The following DNAAF3 variants were observed in gnomAD, a reference collection of about 807,000 sequenced individuals.
DNAAF3 encodes dynein axonemal assembly factor 3.
Under a neutral mutation model 50.9 loss-of-function variants are expected in DNAAF3, and 40 were observed. The ratio of observed to expected loss-of-function variants is 0.79; its 90% CI spans 0.61 to 1.02. The LOEUF (loss-of-function observed/expected upper bound fraction) is 1.02. Among genes scored for constraint, DNAAF3 ranks in the 50% least tolerant of loss-of-function variants. The probability of loss-of-function intolerance (pLI) is 0.00; values close to 1 mark genes in which losing one functional copy is unlikely to be tolerated. For synonymous variants in DNAAF3, 327 were observed against 322.8 expected (o/e 1.01, Z -0.14); for missense variants, 763 against 744.7 (o/e 1.02, Z -0.29).
At position 55,161,000 on chromosome 19, in the gene DNAAF3, G is replaced by A; in HGVS notation, c.912+65C>T. 2.7e-6 allele frequency: 4 copies of A among 1,486,086 alleles called. No individual in the cohort carries two copies. Among genetic ancestry groups the A allele is most frequent in the Non-Finnish European group, 3.6e-6 (4 of 1,119,886 alleles). 92.1% of individuals were successfully genotyped at this position (1,486,086 alleles called of 1,614,324 possible). A position where few individuals can be genotyped will look rare whatever the true frequency, so the allele number is the denominator to read the frequency against. The stretch of plus-strand genomic sequence containing the variant: ...TGGGGGCGGGGCCTGCTGTGGGGGC[G>A]GGGCCTTGCGCACCCACCGACCCCC... On this transcript the variant is annotated intron_variant, in intron 8 of 11. Transcript: ENST00000524407. The surrounding 1 kb of genome is among the most constrained non-coding windows in gnomAD (Gnocchi z 4.7).
At chr19:55,163,288 G>A (rs546066572) in intron 4 of DNAAF3, among the ~76,000 whole-genome samples, 1 of 147,200 alleles carries the variant, frequency 6.8e-6, no homozygotes, top group South Asian at 2.1e-4. Flanking sequence ...GATTACAGGC[G>A]TGAGCCATCG....
intron 3 of DNAAF3, 97 bp from the exon 4 acceptor site, chr19:55,165,560 C>G: frequency 8.1e-7 from 1 of 1,229,236 alleles, no homozygotes; most frequent in African/African-American, 1.5e-5. Flanking sequence ...CTTCCACACA[C>G]CCGAGTTCTG....
Position 55,165,953 on chromosome 19 carries a change from G to T in DNAAF3, c.133C>A (p.Pro45Thr), listed in dbSNP as rs754821642. The stretch of plus-strand genomic sequence containing the variant: ...CCCAGAAGCAGCACATCTAGCTCGG[G>T]GTTGCTGTGCACTGTATCGGCCTGG... ...DSQADTVHSNPELDVLLLGSV... is the reference protein window; with the variant it reads ...DSQADTVHSNTELDVLLLGSV... The change falls in exon 3 of 12, where the codon CCC (proline) becomes ACC (threonine). Residue 45 changes from proline (P) to threonine (T), a missense_variant. Pro to Thr is a conservative substitution (Grantham distance 38). Coordinates refer to ENST00000524407, the MANE Select transcript of DNAAF3 (RefSeq NM_001256715.2). The T allele has an allele frequency of 1.9e-6, 3 of 1,614,116 alleles. No homozygotes were observed. The highest frequency in any genetic ancestry group is 2.5e-6 in the Non-Finnish European group (3 of 1,180,050).
rs1254068815 is a variant in DNAAF3 at position 55,161,680 on chromosome 19, C to T, written c.626G>A (p.Ser209Asn). ...CAGCTTCATGCGCAGGTCCCAGTCG[C>T]TGACACCGCGCCGGGCGTCGTAGCG... The part of the protein sequence containing the change: ...GSRYDARRGV[S>N]DWDLRMKLHD... The change falls in exon 6 of 12, where the codon AGC becomes AAC. Residue 209 changes from serine (S) to asparagine (N), a missense_variant. Physicochemically the swap from Ser to Asn is conservative, Grantham distance 46. Transcript: ENST00000524407. The surrounding 1 kb of genome is among the most constrained non-coding windows in gnomAD (Gnocchi z 6.4). The T allele has an allele frequency of 3.9e-6, 6 of 1,539,998 alleles. No individual in the cohort carries two copies. In the African/African-American group the frequency reaches 8.2e-5, roughly 21 times the overall value.
intron 3 of DNAAF3, 195 bp downstream of exon 3, chr19:55,165,663 C>G (rs1433532878): frequency 5.8e-6 from 6 of 1,038,518 alleles, no homozygotes; most frequent in African/African-American, 1.6e-5. Context: ...GAGCTCTTCC[C>G]CACTATAGAA....
In DNAAF3 at chr19:55,159,118, G is replaced by A. The variant is rs773825790; in HGVS notation, c.1570C>T (p.Pro524Ser). 6.2e-7 allele frequency: 1 copy of A among 1,612,962 alleles called. No homozygotes were observed. The highest frequency in any genetic ancestry group is 1.3e-5 in the African/African-American group (1 of 75,050). Reference protein sequence around the residue: ...PGSLSEVLAQPQGALAPPNCE... With the variant: ...PGSLSEVLAQSQGALAPPNCE... ...TTGGGCGGAGCCAAGGCCCCCTGAG[G>A]CTGAGCCAGAACCTCTGAGAGTGAA... The change falls in exon 12 of 12, where the codon CCT becomes TCT. Residue 524 changes from proline (P) to serine (S), a missense_variant. Transcript: ENST00000524407.
intron 3 of DNAAF3, 142 bp from the exon 4 acceptor site, chr19:55,165,605 T>C (rs2085924812): frequency 2.1e-6 from 2 of 968,596 alleles, no homozygotes; most frequent in Non-Finnish European, 3.1e-6. Flanking sequence ...CAGAAGTCTG[T>C]GTCCCCAGAG....
At chr19:55,165,278 C>A (rs1321793461) in intron 4 of DNAAF3, 92 bp downstream of exon 4, 16 of 1,302,962 alleles carry the variant, frequency 1.2e-5, no homozygotes, top group African/African-American at 2.9e-5. Flanking sequence ...GGAAAATAAC[C>A]AAACTTTTTA....
chr19:55,165,813 C>T (rs1428156737), intron 3 of DNAAF3, 45 bp downstream of exon 3: 3 of 1,598,856 alleles, frequency 1.9e-6, no homozygotes, highest in African/African-American at 1.3e-5. Context: ...CCCTTCCTCC[C>T]TCAAGGACTC....
chr19:55,162,424 A>G (rs1333693152), intron 4 of DNAAF3, 134 bp from the exon 5 acceptor site: 2 of 1,057,950 alleles, frequency 1.9e-6, no homozygotes, highest in Admixed American at 4.3e-5. Context: ...CATCCCAAAA[A>G]CTACATGAAG....
rs1450787771 is a variant in DNAAF3 at position 55,162,116 on chromosome 19, A to G, written c.480+17T>C. On this transcript the variant is annotated intron_variant, in intron 5 of 11. Transcript: ENST00000524407. ...CCCGCGGCCACCCGATCCCAGATGG[A>G]GGCCGGGCGGCGGCACCTTGAGGGC... 1.3e-5 allele frequency: 16 copies of G among 1,244,238 alleles called. No individual in the cohort carries two copies. Among genetic ancestry groups the G allele is most frequent in the Non-Finnish European group, 1.4e-5 (14 of 990,192 alleles). 77.1% of individuals were successfully genotyped at this position (1,244,238 alleles called of 1,614,324 possible).
In DNAAF3 at chr19:55,166,088, C is replaced by T; in HGVS notation, c.86-88G>A. 2 of 1,605,790 alleles carry T rather than the reference C, an allele frequency of 1.2e-6. No individual in the cohort carries two copies. Among genetic ancestry groups the T allele is most frequent in the Non-Finnish European group, 1.7e-6 (2 of 1,176,184 alleles). On this transcript the variant is annotated intron_variant, in intron 2 of 11. Transcript: ENST00000524407. The surrounding 1 kb of genome is among the most constrained non-coding windows in gnomAD (Gnocchi z 4.0). ...CCTATAAAAAATGGACTACAAATCC[C>T]AGTAGGCGTTCCGCCCGTGGCCTAG...
chr19:55,164,481 C>CAAAT (rs748316306), intron 4 of DNAAF3, among the ~76,000 whole-genome samples: 58 of 152,148 alleles, frequency 3.8e-4, no homozygotes, highest in Non-Finnish European at 6.3e-4. Flanking sequence ...GACTCTGCCT[C>CAAAT]AAATAAATAA....
Position 55,161,573 on chromosome 19 carries a change from G to A in DNAAF3, c.663+70C>T. 6.8e-7 allele frequency: 1 copy of A among 1,473,246 alleles called. No homozygotes were observed. The highest frequency in any genetic ancestry group is 9.0e-7 in the Non-Finnish European group (1 of 1,111,930). 91.3% of individuals were successfully genotyped at this position (1,473,246 alleles called of 1,614,324 possible). A position where few individuals can be genotyped will look rare whatever the true frequency, so the allele number is the denominator to read the frequency against. ...CCCAAACCCTCCTCCCTCAGACTCA[G>A]GAGGCCCCCAGCCCCTCCTCCCTCA... On this transcript the variant is annotated intron_variant, in intron 6 of 11. Transcript: ENST00000524407. This position sits in a 1 kb window ranked among gnomAD's most constrained non-coding sequence, Gnocchi z 6.4.
chr19:55,159,341 C>T lies in DNAAF3; in HGVS notation c.1347G>A (p.Glu449=). 2 of 1,614,178 alleles carry T rather than the reference C, an allele frequency of 1.2e-6. No individual in the cohort carries two copies. Among genetic ancestry groups the T allele is most frequent in the Middle Eastern group, 1.6e-4 (1 of 6,062 alleles). Residue 449 remains glutamate, a synonymous_variant, in exon 12 of 12, where the codon GAG becomes GAA. Coordinates refer to ENST00000524407, the MANE Select transcript of DNAAF3 (RefSeq NM_001256715.2). ...GGGACTTGCAGAAACGTGCGAAGGT[C>T]TCTGAAGGCCTGGCCCCGGTCTGTG... ...FAPQTGARPS[E]TFARFCKSQE...
rs2085765841 is a variant in DNAAF3 at position 55,158,880 on chromosome 19, A to G, written c.*182T>C. 4.7e-6 allele frequency: 3 copies of G among 644,512 alleles called. No homozygotes were observed. Among genetic ancestry groups the G allele is most frequent in the Non-Finnish European group, 7.6e-6 (3 of 394,370 alleles). The allele number at this position is 644,512 out of a possible 1,614,324, so 39.9% of individuals were successfully genotyped here. On this transcript the variant is annotated 3_prime_UTR_variant, in exon 12 of 12. Coordinates refer to ENST00000524407, the MANE Select transcript of DNAAF3 (RefSeq NM_001256715.2). ...ATCTAGAATTCTAGGAATAGACCAT[A>G]GAATCTCAGAAATGGAATTTGAAAG... is the stretch of plus-strand genomic sequence containing the variant.
chr19:55,160,644 A>G lies in DNAAF3; in HGVS notation c.1044T>C (p.Thr348=), dbSNP rs370282533. 7 of 1,613,616 alleles carry G rather than the reference A, an allele frequency of 4.3e-6. No homozygotes were observed. In the African/African-American group the frequency reaches 6.7e-5, roughly 15 times the overall value. The part of the protein sequence containing the change: ...QHAEGSPEPG[T]PAAPTPESFT... ...CTGTTGTTGTCCCTGGCTTACCTGGAGTCCCTGGCTCCGGGCTTCCCTCCG... is the reference window on the plus strand; with the variant it reads ...CTGTTGTTGTCCCTGGCTTACCTGGGGTCCCTGGCTCCGGGCTTCCCTCCG... Residue 348 remains threonine (T), a synonymous_variant, in exon 9 of 12, where the codon ACT becomes ACC. Transcript: ENST00000524407. The surrounding 1 kb of genome is among the most constrained non-coding windows in gnomAD (Gnocchi z 4.7).
At position 55,162,221 on chromosome 19, in the gene DNAAF3, C is replaced by G. The variant is rs2085849957; in HGVS notation, c.392G>C (p.Arg131Pro). 1 of 1,252,198 alleles carries G rather than the reference C, an allele frequency of 8.0e-7. No homozygotes were observed. The highest frequency in any genetic ancestry group is 1.0e-6 in the Non-Finnish European group (1 of 989,974). The allele number at this position is 1,252,198 out of a possible 1,614,324, so 77.6% of individuals were successfully genotyped here. Residue 131 changes from arginine to proline, a missense_variant, in exon 5 of 12, where the codon CGT (arginine) becomes CCT (proline). Arg to Pro is a moderately radical substitution (Grantham distance 103, BLOSUM62 -2). Coordinates refer to ENST00000524407, the MANE Select transcript of DNAAF3 (RefSeq NM_001256715.2). Reference sequence around the variant, plus strand: ...GTGCGCCAGCAGGTCGGCCTGGGCACGCACGAAGGCGGCCACTGGCGGGCG... The same window carrying G: ...GTGCGCCAGCAGGTCGGCCTGGGCAGGCACGAAGGCGGCCACTGGCGGGCG... ...LLRPPVAAFV[R>P]AQADLLAHLV...
chr19:55,161,586 C>G lies in DNAAF3; in HGVS notation c.663+57G>C, dbSNP rs974953108. On this transcript the variant is annotated intron_variant, in intron 6 of 11. Transcript: ENST00000524407. This position sits in a 1 kb window ranked among gnomAD's most constrained non-coding sequence, Gnocchi z 6.4. Reference sequence around the variant, plus strand: ...CCCTCAGACTCAGGAGGCCCCCAGCCCCTCCTCCCTCAGACCCAGGGGTCC... The same window carrying G: ...CCCTCAGACTCAGGAGGCCCCCAGCGCCTCCTCCCTCAGACCCAGGGGTCC... 8 of 1,488,762 alleles carry G rather than the reference C, an allele frequency of 5.4e-6. No homozygotes were observed. The African/African-American group carries it at 9.8e-5, about 18-fold the overall frequency. The allele number at this position is 1,488,762 out of a possible 1,614,324, so 92.2% of individuals were successfully genotyped here.
Sources: allele counts gnomAD v4.1 joint callset (sites outside exome capture counted in the v4.1 genomes callset), GRCh38; gene constraint gnomAD v4.1.1; non-coding constraint Gnocchi (gnomAD v3.1); transcripts MANE v1.5; gene names NCBI Gene and HGNC (gene_info 2026-07-23, HGNC 2026-07-21).